RHOT2: variants seen among roughly 807,000 people sequenced by gnomAD.
The protein encoded by RHOT2 is ras homolog family member T2.
A neutral mutation model predicts 81.6 loss-of-function variants in RHOT2; 90 were observed. That is an observed-to-expected ratio of 1.10 (90% confidence interval 0.93 to 1.31). The LOEUF is 1.31. Ranked by LOEUF, RHOT2 falls within the 40% of genes most tolerant of loss-of-function variation. RHOT2 has a pLI of 0.00. For synonymous variants in RHOT2, 512 were observed against 370.9 expected, an observed-to-expected ratio of 1.38 and a Z score of -4.37; for missense variants, 1,014 against 841.9, an observed-to-expected ratio of 1.20 and a Z score of -2.53.
intron 11 of RHOT2, 139 bp from the exon 12 acceptor site, chr16:671,558 A>G: frequency 1.1e-6 from 1 of 934,592 alleles, no homozygotes; most frequent in East Asian, 2.6e-5. Context: ...TCGCAGCTGC[A>G]AGGTCGGGGG....
chr16:668,372 G>C lies in RHOT2; in HGVS notation c.57G>C (p.Ser19=). ...GCGCAGCCCAGGTGGGGAAGACGTC[G>C]CTGATCCTGTCCCTGGTGGGCGAGG... ...LLGEAQVGKT[S]LILSLVGEEF... is the part of the protein sequence containing the mutation. Residue 19 remains serine (S), a synonymous_variant, in exon 2 of 19, where the codon TCG becomes TCC. Transcript: ENST00000315082. 1 of 1,440,896 alleles carries C rather than the reference G, an allele frequency of 6.9e-7. No homozygotes were observed. The highest frequency in any genetic ancestry group is 9.1e-7 in the Non-Finnish European group (1 of 1,104,560). The allele number at this position is 1,440,896 out of a possible 1,614,324, so 89.3% of individuals were successfully genotyped here. A position where few individuals can be genotyped will look rare whatever the true frequency, so the allele number is the denominator to read the frequency against.
chr16:671,790 A>G lies in RHOT2; in HGVS notation c.954+9A>G, dbSNP rs370718148. Reference sequence around the variant, plus strand: ...TTGAGAAGCACGACCAGGTGAGAGCATGGCGAGTCCCCTGCCCCTGCCCCC... The same window carrying G: ...TTGAGAAGCACGACCAGGTGAGAGCGTGGCGAGTCCCCTGCCCCTGCCCCC... On this transcript the variant is annotated intron_variant, in intron 12 of 18. Coordinates refer to ENST00000315082, the MANE Select transcript of RHOT2 (RefSeq NM_138769.3). 1.2e-6 allele frequency: 2 copies of G among 1,610,380 alleles called. No homozygotes were observed. Among genetic ancestry groups the G allele is most frequent in the African/African-American group, 1.3e-5 (1 of 74,514 alleles).
At chr16:668,614 C>T in intron 3 of RHOT2, 42 bp from the exon 4 acceptor site, 2 of 1,609,084 alleles carry the variant, frequency 1.2e-6, no homozygotes, top group Admixed American at 1.7e-5. Flanking sequence ...AGCGGTCCGG[C>T]GGGCCTGCTG....
rs1171281147 is a variant in RHOT2 at position 672,696 on chromosome 16, G to A, written c.1405-7G>A. On this transcript the variant is annotated splice_region_variant and splice_polypyrimidine_tract_variant and intron_variant, in intron 16 of 18. Coordinates refer to ENST00000315082, the MANE Select transcript of RHOT2 (RefSeq NM_138769.3). ...GGGACCCTTCCTAAGGCCGCTGTCT[G>A]TCCCAGCTCTGTGAGGTGGGCACAG... 3.1e-6 allele frequency: 5 copies of A among 1,612,052 alleles called. No homozygotes were observed. The highest frequency in any genetic ancestry group is 4.2e-6 in the Non-Finnish European group (5 of 1,179,960).
rs770418321 is a variant in RHOT2 at position 668,713 on chromosome 16, G to A, written c.222+14G>A. On this transcript the variant is annotated intron_variant, in intron 4 of 18. Transcript: ENST00000315082. ...GAGATCCACAAGGTACCCGTGGTGC[G>A]CGGGACGAGGGAGGGGCTGGGCGCG... is the stretch of plus-strand genomic sequence containing the variant. 6.3e-6 allele frequency: 10 copies of A among 1,588,218 alleles called. No homozygotes were observed. The Middle Eastern group carries it at 5.0e-4, about 80-fold the overall frequency.
In RHOT2 at chr16:671,954, G is replaced by T; in HGVS notation, c.1049G>T (p.Arg350Leu). 1 of 1,612,200 alleles carries T rather than the reference G, an allele frequency of 6.2e-7. No homozygotes were observed. Among genetic ancestry groups the T allele is most frequent in the East Asian group, 2.2e-5 (1 of 44,868 alleles). ...PWGPELPRTV[R>L]TEAGRLPLHG... ...GGCCCCGAGCTCCCACGCACAGTCC[G>T]CACAGAGGCCGGCCGGTTGCCCCTG... Residue 350 changes from arginine to leucine, a missense_variant, in exon 13 of 19, where the codon CGC (arginine) becomes CTC (leucine). Physicochemically the swap from Arg to Leu is moderately radical, Grantham distance 102. Transcript: ENST00000315082.
Position 670,937 on chromosome 16 carries a change from G to T in RHOT2, c.685G>T (p.Val229Leu), listed in dbSNP as rs145743528. The T allele has an allele frequency of 1.3e-6, 2 of 1,569,072 alleles. No individual in the cohort carries two copies. Among genetic ancestry groups the T allele is most frequent in the East Asian group, 4.5e-5 (2 of 44,374 alleles). The change falls in exon 10 of 19, where the codon GTG becomes TTG. Residue 229 changes from valine (V) to leucine (L), a missense_variant. Transcript: ENST00000315082. ...HPLAPQALED[V>L]KTVVCRNVAG... is the part of the protein sequence containing the mutation. ...CCTGGCCCCGCAGGCCCTGGAGGAC[G>T]TGAAGACGGTGGTGTGCAGGAACGT...
In RHOT2 at chr16:670,288, G is replaced by A. The variant is rs775605398; in HGVS notation, c.369G>A (p.Arg123=). The change falls in exon 7 of 19, where the codon CGG becomes CGA. Residue 123 remains arginine (R), a synonymous_variant. Coordinates refer to ENST00000315082, the MANE Select transcript of RHOT2 (RefSeq NM_138769.3). ...IILVGNKSDL[R]SGSSMEAVLP... ...TAGTGGGCAACAAGTCAGACCTGCG[G>A]TCGGGGAGCTCCATGGAGGCCGTGC... The A allele has an allele frequency of 1.2e-6, 2 of 1,612,812 alleles. No individual in the cohort carries two copies. Among genetic ancestry groups the A allele is most frequent in the South Asian group, 1.1e-5 (1 of 91,088 alleles).
Position 672,915 on chromosome 16 carries a change from T to A in RHOT2, c.1528-13T>A. 6.2e-7 allele frequency: 1 copy of A among 1,612,698 alleles called. No homozygotes were observed. The highest frequency in any genetic ancestry group is 1.1e-5 in the South Asian group (1 of 91,084). ...ACCCCAGGACTGTACCTCATACCAC[T>A]CTCTGCCCACAGCACCATTACATGG... On this transcript the variant is annotated splice_polypyrimidine_tract_variant and intron_variant, in intron 17 of 18. Coordinates refer to ENST00000315082, the MANE Select transcript of RHOT2 (RefSeq NM_138769.3).
chr16:671,810 G>GGCCCCGGCCCC, intron 12 of RHOT2, 29 bp downstream of exon 12: 9 of 1,586,160 alleles, frequency 5.7e-6, no homozygotes, highest in South Asian at 2.2e-5. Context: ...CCCTGCCCCT[G>GGCCCCGGCCCC]CCCCCGCCCC....
At position 673,090 on chromosome 16, in the gene RHOT2, A is replaced by G; in HGVS notation, c.1690A>G (p.Thr564Ala). The stretch of plus-strand genomic sequence containing the variant: ...CTGTGCTGGCCCAGCCGAGCCCAGC[A>G]CCACCATCTTCACCCAGCTCGCCAC... The part of the protein sequence containing the change: ...FSCAGPAEPS[T>A]TIFTQLATMA... Residue 564 changes from threonine to alanine, a missense_variant, in exon 18 of 19, where the codon ACC becomes GCC. Transcript: ENST00000315082. 2 of 1,609,812 alleles carry G rather than the reference A, an allele frequency of 1.2e-6. No homozygotes were observed. The highest frequency in any genetic ancestry group is 1.7e-6 in the Non-Finnish European group (2 of 1,179,896).
In RHOT2 at chr16:670,106, C is replaced by G; in HGVS notation, c.277-17C>G. On this transcript the variant is annotated splice_polypyrimidine_tract_variant and intron_variant, in intron 5 of 18. Coordinates refer to ENST00000315082, the MANE Select transcript of RHOT2 (RefSeq NM_138769.3). ...CCCGCGGGCAGCCTCACTTCACAGC[C>G]AGGCTTTGCTTTTCAGATTCGAACT... 6.4e-7 allele frequency: 1 copy of G among 1,551,674 alleles called. No homozygotes were observed. The highest frequency in any genetic ancestry group is 8.7e-7 in the Non-Finnish European group (1 of 1,150,278).
In RHOT2 at chr16:671,094, C is replaced by G. The variant is rs1298901380; in HGVS notation, c.760C>G (p.Leu254Val). The G allele has an allele frequency of 1.9e-6, 3 of 1,609,060 alleles. No homozygotes were observed. The highest frequency in any genetic ancestry group is 2.5e-6 in the Non-Finnish European group (3 of 1,179,700). The part of the protein sequence containing the change: ...DRLTLDGFLF[L>V]NTLFIQRGRH... ...TTGTCTCGGTGCAGGTTTCCTCTTC[C>G]TGAACACGCTCTTCATCCAGCGCGG... Residue 254 changes from leucine to valine, a missense_variant, in exon 11 of 19, where the codon CTG (leucine) becomes GTG (valine). By Grantham distance (32) the Leu-to-Val change is conservative. Coordinates refer to ENST00000315082, the MANE Select transcript of RHOT2 (RefSeq NM_138769.3).
In RHOT2 at chr16:671,076, G is replaced by A; in HGVS notation, c.749-7G>A. On this transcript the variant is annotated splice_polypyrimidine_tract_variant and splice_region_variant and intron_variant, in intron 10 of 18. Transcript: ENST00000315082. ...CCTGGTGCTCCCCCTGCTTTGTCTC[G>A]GTGCAGGTTTCCTCTTCCTGAACAC... 1.9e-6 allele frequency: 3 copies of A among 1,608,950 alleles called. No homozygotes were observed. The highest frequency in any genetic ancestry group is 1.1e-5 in the South Asian group (1 of 91,036).
intron 5 of RHOT2, 90 bp downstream of exon 5, chr16:669,696 C>T (rs949458668): frequency 4.5e-6 from 6 of 1,331,334 alleles, no homozygotes; most frequent in Middle Eastern, 1.9e-4. Flanking sequence ...CCAGTGCCAT[C>T]GCTCACAGCA....
At position 673,603 on chromosome 16, in the gene RHOT2, G is replaced by A. The variant is rs1392291764; in HGVS notation, c.1854G>A (p.Gln618=). Reference sequence around the variant, plus strand: ...TCTACAGGGTCCTGGTGAAGAGCCAGTGAGGCCCCTGGTACCCAAGCCCCC... The same window carrying A: ...TCTACAGGGTCCTGGTGAAGAGCCAATGAGGCCCCTGGTACCCAAGCCCCC... ...FSLYRVLVKS[Q] Residue 618 remains glutamine, a synonymous_variant, in exon 19 of 19, where the codon CAG becomes CAA. Coordinates refer to ENST00000315082, the MANE Select transcript of RHOT2 (RefSeq NM_138769.3). 3 of 1,606,192 alleles carry A rather than the reference G, an allele frequency of 1.9e-6. No individual in the cohort carries two copies. Among genetic ancestry groups the A allele is most frequent in the East Asian group, 2.2e-5 (1 of 44,846 alleles).
At chr16:672,669 C>T in intron 16 of RHOT2, 34 bp from the exon 17 acceptor site, 2 of 1,611,626 alleles carry the variant, frequency 1.2e-6, no homozygotes, top group East Asian at 2.2e-5. Context: ...GACCGAGCCC[C>T]AGGGACCCTT....
chr16:670,206 C>T (rs1212025305), intron 6 of RHOT2, 31 bp downstream of exon 6: 3 of 1,610,904 alleles, frequency 1.9e-6, no homozygotes, highest in East Asian at 2.2e-5. Context: ...GGGCTGGGAC[C>T]CCTGGCTCCC....
chr16:668,119 C>G (rs1250219317), upstream of RHOT2: 1 of 415,594 alleles, frequency 2.4e-6, no homozygotes, highest in African/African-American at 2.1e-5. Flanking sequence ...AAGTGCGGGG[C>G]GGGCGCGGGG....
Sources: allele counts gnomAD v4.1 joint callset, GRCh38; gene constraint gnomAD v4.1.1; transcripts MANE v1.5; gene names NCBI Gene and HGNC (gene_info 2026-07-23, HGNC 2026-07-21).